The following RANGAP1 variants were observed in gnomAD, a reference collection of about 807,000 sequenced individuals.
The protein encoded by RANGAP1 is Ran GTPase activating protein 1.
A neutral mutation model predicts 63.5 loss-of-function variants in RANGAP1; 38 were observed. The observed-to-expected ratio is 0.60, with a 90% CI of 0.46 to 0.78. The LOEUF is 0.78. Among genes scored for constraint, RANGAP1 ranks in the 30% least tolerant of loss-of-function variants. RANGAP1 has a pLI of 0.00. For synonymous variants in RANGAP1, 329 were observed against 310.5 expected (o/e 1.06, Z -0.63); for missense variants, 630 against 740.3 (o/e 0.85, Z 1.73).
intron 6 of RANGAP1, among the ~76,000 whole-genome samples, chr22:41,258,826 G>A (rs1368631514): frequency 6.6e-6 from 1 of 152,052 alleles, no homozygotes; most frequent in Admixed American, 6.6e-5. Context: ...GACTAATTTT[G>A]TATTTTTAGT....
intron 2 of RANGAP1, among the ~76,000 whole-genome samples, chr22:41,279,331 ATGG>A (rs1210055825): frequency 6.6e-6 from 1 of 151,294 alleles, no homozygotes; most frequent in Non-Finnish European, 1.5e-5. Context: ...TTAGCGGAGC[ATGG>A]TGGTGGGTGC....
chr22:41,280,656 A>G, intron 2 of RANGAP1: 1 of 1,365,310 alleles, frequency 7.3e-7, no homozygotes, highest in South Asian at 1.2e-5. Flanking sequence ...TGGGACTGGC[A>G]CTAACTGTGG....
At chr22:41,255,597 A>G (rs1221661416) in intron 10 of RANGAP1, among the ~76,000 whole-genome samples, 1 of 143,236 alleles carries the variant, frequency 7.0e-6, no homozygotes, top group Non-Finnish European at 1.5e-5. Context: ...ACCCCTTCAG[A>G]GGCCTCCCCA....
chr22:41,252,954 T>A lies in RANGAP1; in HGVS notation c.1298A>T (p.Asp433Val). ...APVLSSPPPA[D>V]VSTFLAFPSP... ...GGGAAAAGCCAGGAAGGTGGAGACG[T>A]CTGCAGGAGGTGGGGAGGACAGCAC... Residue 433 changes from aspartate to valine, a missense_variant, in exon 12 of 16, where the codon GAC becomes GTC. By Grantham distance (152) the Asp-to-Val change is radical (BLOSUM62 -3). Coordinates refer to ENST00000356244, the MANE Select transcript of RANGAP1 (RefSeq NM_002883.4). 6.5e-7 allele frequency: 1 copy of A among 1,542,662 alleles called. No homozygotes were observed.
intron 6 of RANGAP1, among the ~76,000 whole-genome samples, 155 bp from the exon 7 acceptor site, chr22:41,258,261 C>G (rs548468395): frequency 6.6e-6 from 1 of 152,266 alleles, no homozygotes; most frequent in Admixed American, 6.5e-5. Flanking sequence ...CTGCATCTAA[C>G]TCTTTCCACA....
Position 41,249,740 on chromosome 22 carries a change from C to T in RANGAP1, c.1561G>A (p.Gly521Ser), listed in dbSNP as rs910863672. ...CCTTCCGGCCTCACCTTGAGCAGACCCATGTGCACGAGCAGCCTGGTGAGG... is the reference window on the plus strand; with the variant it reads ...CCTTCCGGCCTCACCTTGAGCAGACTCATGTGCACGAGCAGCCTGGTGAGG... ...TFLTRLLVHM[G>S]LLKSEDKVKA... Residue 521 changes from glycine (G) to serine (S), a missense_variant, in exon 14 of 16, where the codon GGT becomes AGT. Physicochemically the swap from Gly to Ser is moderately conservative, Grantham distance 56. Coordinates refer to ENST00000356244, the MANE Select transcript of RANGAP1 (RefSeq NM_002883.4). 3 of 1,613,572 alleles carry T rather than the reference C, an allele frequency of 1.9e-6. No homozygotes were observed. Among genetic ancestry groups the T allele is most frequent in the Admixed American group, 3.3e-5 (2 of 60,030 alleles).
At chr22:41,285,558 C>G in intron 1 of RANGAP1, 1 of 985,478 alleles carries the variant, frequency 1.0e-6, no homozygotes, top group Non-Finnish European at 1.2e-6. Flanking sequence ...ATTCCAGGGA[C>G]AGCGGCGCCA....
intron 11 of RANGAP1, among the ~76,000 whole-genome samples, chr22:41,253,569 G>A (rs1335068042): frequency 1.3e-5 from 2 of 152,106 alleles, no homozygotes; most frequent in African/African-American, 4.8e-5. Context: ...TGCAGCCCCG[G>A]GCCAGACAAG....
chr22:41,253,223 C>A (rs2033594196), intron 11 of RANGAP1, among the ~76,000 whole-genome samples: 1 of 152,132 alleles, frequency 6.6e-6, no homozygotes, highest in Admixed American at 6.5e-5. Flanking sequence ...GGGAAGCTAC[C>A]TCCCTGGGAC....
chr22:41,297,340 A>C, the RANGAP1 span, among the ~76,000 whole-genome samples: 1 of 152,118 alleles, frequency 6.6e-6, no homozygotes, highest in African/African-American at 2.4e-5. Context: ...AGGCCCATCC[A>C]CCTTAGGGAG....
chr22:41,293,595 G>A, the RANGAP1 span, among the ~76,000 whole-genome samples: 3 of 151,558 alleles, frequency 2.0e-5, no homozygotes, highest in East Asian at 3.9e-4. Flanking sequence ...TGGCTCACAC[G>A]GTGAAACCCC....
rs1183904994 is a variant in RANGAP1, at chr22:41,286,164, A to C, written c.-217T>G. ...GCTCCCGGCCTCACGCGCTTCCAGCACCACCTGCTCTCCGCACCGCGGCGG... is the reference window on the plus strand; with the variant it reads ...GCTCCCGGCCTCACGCGCTTCCAGCCCCACCTGCTCTCCGCACCGCGGCGG... On this transcript the variant is annotated 5_prime_UTR_variant, in exon 1 of 16. Coordinates refer to ENST00000356244, the MANE Select transcript of RANGAP1 (RefSeq NM_002883.4). The C allele has an allele frequency of 6.6e-6, 1 of 152,376 alleles. No individual in the cohort carries two copies. Among genetic ancestry groups the C allele is most frequent in the African/African-American group, 2.4e-5 (1 of 41,478 alleles). The allele number at this position is 152,376 out of a possible 1,614,324, so 9.4% of individuals were successfully genotyped here. A position where few individuals can be genotyped will look rare whatever the true frequency, so the allele number is the denominator to read the frequency against.
chr22:41,278,240 T>C (rs1443895855), intron 2 of RANGAP1, among the ~76,000 whole-genome samples: 3 of 152,118 alleles, frequency 2.0e-5, no homozygotes, highest in Non-Finnish European at 2.9e-5. Flanking sequence ...GGTTTCTCCA[T>C]GTTGGCCAGG....
rs1259403056 is a variant in RANGAP1, at chr22:41,264,806, T to C, written c.338A>G (p.Gln113Arg). 3 of 1,613,284 alleles carry C rather than the reference T, an allele frequency of 1.9e-6. No individual in the cohort carries two copies. Among genetic ancestry groups the C allele is most frequent in the Non-Finnish European group, 2.5e-6 (3 of 1,179,356 alleles). ...LGEGLITAGAQLVELDLSDNA... is the reference protein window; with the variant it reads ...LGEGLITAGARLVELDLSDNA... Reference sequence around the variant, plus strand: ...GTCGCTTAAGTCCAGCTCCACCAGCTGAGCCCCAGCTGTGATGAGTCCTTC... The same window carrying C: ...GTCGCTTAAGTCCAGCTCCACCAGCCGAGCCCCAGCTGTGATGAGTCCTTC... Residue 113 changes from glutamine (Q) to arginine (R), a missense_variant, in exon 5 of 16, where the codon CAG becomes CGG. Gln to Arg is a conservative substitution (Grantham distance 43). This residue lies in a region of RANGAP1 where 137 missense variants were observed against 214.3 expected (regional missense o/e 0.64). Coordinates refer to ENST00000356244, the MANE Select transcript of RANGAP1 (RefSeq NM_002883.4).
At chr22:41,297,869 C>A in the RANGAP1 span, among the ~76,000 whole-genome samples, 2 of 138,808 alleles carry the variant, frequency 1.4e-5, no homozygotes, top group African/African-American at 5.4e-5. Context: ...TTTTTTTTTT[C>A]TTTTTTTGAG....
Position 41,265,959 on chromosome 22 carries a change from T to C in RANGAP1, c.301-1116A>G, listed in dbSNP as rs559665834. 4.0e-5 allele frequency among the ~76,000 whole-genome samples: 6 copies of C among 151,596 alleles called. No individual in the cohort carries two copies. In the South Asian group the frequency reaches 1.2e-3, roughly 32 times the overall value. On this transcript the variant is annotated intron_variant, in intron 4 of 15. Transcript: ENST00000356244. ...GGCTCACGCCTGTAATCCCAGCACT[T>C]TGGGAGGCCAAGGTGGGCGGATCAC... is the stretch of plus-strand genomic sequence containing the variant.
rs531183170 is a variant in RANGAP1 at position 41,268,530 on chromosome 22, C to T, written c.241-374G>A. 1.7e-4 allele frequency among the ~76,000 whole-genome samples: 25 copies of T among 151,220 alleles called. No homozygotes were observed. The East Asian group carries it at 4.8e-3, about 29-fold the overall frequency. The stretch of plus-strand genomic sequence containing the variant: ...TTGGTCTCCCAAAGTGCTGGGATTA[C>T]AGGCATGAGCCACCGCACCTGGCCC... On this transcript the variant is annotated intron_variant, in intron 3 of 15. Coordinates refer to ENST00000356244, the MANE Select transcript of RANGAP1 (RefSeq NM_002883.4).
At chr22:41,263,111 G>C (rs1445206120) in intron 5 of RANGAP1, among the ~76,000 whole-genome samples, 2 of 152,092 alleles carry the variant, frequency 1.3e-5, no homozygotes, top group Non-Finnish European at 2.9e-5. Context: ...GTCTGCCCAG[G>C]AGGCCCTCTG....
intron 5 of RANGAP1, among the ~76,000 whole-genome samples, chr22:41,262,471 T>G (rs1320623736): frequency 6.6e-6 from 1 of 152,148 alleles, no homozygotes; most frequent in Non-Finnish European, 1.5e-5. Flanking sequence ...TGGCCGTACT[T>G]TACAGATGAG....
Sources: gnomAD v4.1 joint callset for allele counts (sites outside exome capture counted in the v4.1 genomes callset) on GRCh38, gnomAD v4.1.1 for gene constraint, gnomAD v4.1.1 regional missense constraint, MANE v1.5 for transcripts, NCBI Gene and HGNC (gene_info 2026-07-23, HGNC 2026-07-21) for gene names.